The following ARR3 variants were observed in gnomAD, a reference collection of about 807,000 sequenced individuals.
ARR3 encodes arrestin-C.
A neutral mutation model predicts 35.4 loss-of-function variants in ARR3; 14 were observed. The ratio of observed to expected loss-of-function variants is 0.40; its 90% CI spans 0.26 to 0.62. The LOEUF is 0.62. Ranked by LOEUF, ARR3 falls within the 20% of genes least tolerant of loss-of-function variation. The probability of loss-of-function intolerance (pLI) is 0.46; values close to 1 mark genes in which losing one functional copy is unlikely to be tolerated. For synonymous variants in ARR3, 97 were observed against 119.1 expected, an observed-to-expected ratio of 0.81 and a Z score of 1.21; for missense variants, 259 against 303.8, an observed-to-expected ratio of 0.85 and a Z score of 1.10.
At chrX:70,268,597 C>T (rs748272022) in intron 1 of ARR3, among the ~76,000 whole-genome samples, 1 of 111,516 alleles carries the variant, frequency 9.0e-6, no homozygotes. Context: ...GAGACATCTC[C>T]CTCTCTCTAA....
chrX:70,268,421 C>A (rs2085616683), intron 1 of ARR3, 49 bp downstream of exon 1: 1 of 111,388 alleles, frequency 9.0e-6, no homozygotes, highest in Non-Finnish European at 1.9e-5. Context: ...GCCCTATATC[C>A]CTTGCTCTTA....
rs1404060074 is a variant in ARR3 at position 70,269,681 on chromosome X, T to C, written c.28T>C (p.Ser10Pro). The C allele has an allele frequency of 8.3e-7, 1 of 1,206,333 alleles. No individual in the cohort carries two copies. Among genetic ancestry groups the C allele is most frequent in the Admixed American group, 2.2e-5 (1 of 45,682 alleles). Residue 10 changes from serine to proline, a missense_variant, in exon 3 of 17, where the codon TCC becomes CCC. Coordinates refer to ENST00000307959, the MANE Select transcript of ARR3 (RefSeq NM_004312.3). ...TCATAGGGTGTTTAAGAAGACCAGC[T>C]CCAATGGGAAGGTGAGAGAACCTGG... MSKVFKKTS[S>P]NGKLSIYLGK...
In ARR3 at chrX:70,280,959, G is replaced by T. The variant is rs374635976; in HGVS notation, c.1067-140G>T. On this transcript the variant is annotated intron_variant, in intron 15 of 16. Transcript: ENST00000307959. ...AGGCTGGGTGTCTAGGTATTCAGGG[G>T]AAGTGTGTGTGTCGTGTGTGCTGGA... 30 of 868,991 alleles carry T rather than the reference G, an allele frequency of 3.5e-5. No individual in the cohort carries two copies. The East Asian group carries it at 1.3e-3, about 38-fold the overall frequency. 71.6% of individuals were successfully genotyped at this position (868,991 alleles called of 1,213,427 possible).
At chrX:70,280,718 T>C (rs2085677288) in intron 14 of ARR3, 48 bp from the exon 15 acceptor site, 1 of 1,207,436 alleles carries the variant, frequency 8.3e-7, no homozygotes, top group East Asian at 3.0e-5. Context: ...GTTCAGGGAT[T>C]GGGCTTGTAG....
At chrX:70,277,633 T>C (rs1278686028) in intron 9 of ARR3, 83 bp from the exon 10 acceptor site, 14 of 1,168,872 alleles carry the variant, frequency 1.2e-5, no homozygotes, top group African/African-American at 8.9e-5. Flanking sequence ...AGGGTGGCAA[T>C]AGCGCTAAGG....
chrX:70,270,047 C>T, intron 4 of ARR3, 53 bp from the exon 5 acceptor site: 1 of 1,195,141 alleles, frequency 8.4e-7, no homozygotes, highest in Non-Finnish European at 1.1e-6. Flanking sequence ...TCCTCTGTTT[C>T]ATAGTCTGAG....
In ARR3 at chrX:70,277,384, C is replaced by G. The variant is rs376637104; in HGVS notation, c.474-10C>G. 13 of 1,206,425 alleles carry G rather than the reference C, an allele frequency of 1.1e-5. No individual in the cohort carries two copies. In the African/African-American group the frequency reaches 1.9e-4, roughly 18 times the overall value. ...AGGACGCTCTGGCTAATCTCTTGGT[C>G]TCTGCTCAGAGACTATGTGCGGCTG... is the stretch of plus-strand genomic sequence containing the variant. On this transcript the variant is annotated splice_polypyrimidine_tract_variant and intron_variant, in intron 8 of 16. Coordinates refer to ENST00000307959, the MANE Select transcript of ARR3 (RefSeq NM_004312.3).
intron 5 of ARR3, among the ~76,000 whole-genome samples, chrX:70,273,700 G>A (rs1602720677): frequency 9.0e-6 from 1 of 111,535 alleles, no homozygotes; most frequent in African/African-American, 3.3e-5. Context: ...TCAGAGGGTT[G>A]TTTTGAGGTC....
chrX:70,269,679 G>C lies in ARR3; in HGVS notation c.26G>C (p.Ser9Thr). 8.3e-7 allele frequency: 1 copy of C among 1,206,190 alleles called. No individual in the cohort carries two copies. The highest frequency in any genetic ancestry group is 1.1e-6 in the Non-Finnish European group (1 of 892,384). MSKVFKKT[S>T]SNGKLSIYLG... is the part of the protein sequence containing the mutation. ...CCTCATAGGGTGTTTAAGAAGACCA[G>C]CTCCAATGGGAAGGTGAGAGAACCT... The change falls in exon 3 of 17, where the codon AGC becomes ACC. Residue 9 changes from serine to threonine, a missense_variant. Coordinates refer to ENST00000307959, the MANE Select transcript of ARR3 (RefSeq NM_004312.3).
At chrX:70,277,887 C>T in intron 10 of ARR3, 87 bp downstream of exon 10, 5 of 955,241 alleles carry the variant, frequency 5.2e-6, no homozygotes, top group Non-Finnish European at 7.3e-6. Context: ...TGTCTGCATT[C>T]ATCTAGGCTT....
chrX:70,278,035 T>C lies in ARR3; in HGVS notation c.695-31T>C, dbSNP rs1263600263. 1.1e-5 allele frequency: 13 copies of C among 1,195,807 alleles called. No individual in the cohort carries two copies. In the South Asian group the frequency reaches 1.8e-4, roughly 17 times the overall value. Reference sequence around the variant, plus strand: ...GGGGTCTCAAGGATGACTGACTGATTATAATCATGTGCTTTTCCTGGCTTG... The same window carrying C: ...GGGGTCTCAAGGATGACTGACTGATCATAATCATGTGCTTTTCCTGGCTTG... On this transcript the variant is annotated intron_variant, in intron 10 of 16. Transcript: ENST00000307959.
rs768287468 is a variant in ARR3, at chrX:70,269,548, G to A, written c.9-114G>A. 2.2e-5 allele frequency: 22 copies of A among 1,020,896 alleles called. No individual in the cohort carries two copies. In the South Asian group the frequency reaches 4.3e-4, roughly 20 times the overall value. 84.1% of individuals were successfully genotyped at this position (1,020,896 alleles called of 1,213,427 possible). ...TACCTTTGCCCCATCCTATGCTCCT[G>A]GAGCCTCTTCTCCTAATCCTAAGAA... On this transcript the variant is annotated intron_variant, in intron 2 of 16. Coordinates refer to ENST00000307959, the MANE Select transcript of ARR3 (RefSeq NM_004312.3).
At chrX:70,280,357 A>G in intron 13 of ARR3, 79 bp downstream of exon 13, 1 of 1,052,536 alleles carries the variant, frequency 9.5e-7, no homozygotes, top group Non-Finnish European at 1.3e-6. Flanking sequence ...TCCCAGTTAG[A>G]TTGACCCAAT....
At chrX:70,268,974 A>G (rs771977184) in intron 1 of ARR3, among the ~76,000 whole-genome samples, 11 of 112,156 alleles carry the variant, frequency 9.8e-5, no homozygotes, top group Non-Finnish European at 2.1e-4. Context: ...CATACAGACC[A>G]AGAAACACAT....
intron 5 of ARR3, among the ~76,000 whole-genome samples, chrX:70,273,836 T>C (rs1387566848): frequency 9.0e-6 from 1 of 111,702 alleles, no homozygotes; most frequent in Non-Finnish European, 1.9e-5. Flanking sequence ...CTAAATATTA[T>C]TGTTTCTCTT....
At chrX:70,277,287 T>C in intron 8 of ARR3, 107 bp from the exon 9 acceptor site, 1 of 1,042,119 alleles carries the variant, frequency 9.6e-7, no homozygotes, top group Non-Finnish European at 1.3e-6. Context: ...AGGGAGGCCT[T>C]CCCCTGCTCC....
chrX:70,280,895 G>C (rs1343065080), intron 15 of ARR3, 77 bp downstream of exon 15: 2 of 1,147,723 alleles, frequency 1.7e-6, no homozygotes. Flanking sequence ...TCATGAATTG[G>C]AGACTAGCAG....
At chrX:70,280,366 A>G (rs919822501) in intron 13 of ARR3, 88 bp downstream of exon 13, 2 of 1,021,643 alleles carry the variant, frequency 2.0e-6, no homozygotes, top group Non-Finnish European at 1.4e-6. Flanking sequence ...GATTGACCCA[A>G]TCAAACCATT....
Position 70,269,651 on chromosome X carries a change from T to C in ARR3, c.9-11T>C, listed in dbSNP as rs745491385. On this transcript the variant is annotated splice_polypyrimidine_tract_variant and intron_variant, in intron 2 of 16. Transcript: ENST00000307959. ...CCCCTCTCCATCCTCTTTCTGGTTTTCTCCTCATAGGGTGTTTAAGAAGAC... is the reference window on the plus strand; with the variant it reads ...CCCCTCTCCATCCTCTTTCTGGTTTCCTCCTCATAGGGTGTTTAAGAAGAC... 2.5e-6 allele frequency: 3 copies of C among 1,205,621 alleles called. No individual in the cohort carries two copies. In the South Asian group the frequency reaches 5.4e-5, roughly 22 times the overall value.
Sources: allele counts gnomAD v4.1 joint callset (sites outside exome capture counted in the v4.1 genomes callset), GRCh38; gene constraint gnomAD v4.1.1; transcripts MANE v1.5; gene names NCBI Gene and HGNC (gene_info 2026-07-23, HGNC 2026-07-21).